Variants in LCLAT1 observed in about 807,000 individuals in gnomAD.
The protein encoded by LCLAT1 is lysocardiolipin acyltransferase 1.
In LCLAT1, 11 loss-of-function variants were observed where a neutral mutation model predicts 30.7. The ratio of observed to expected loss-of-function variants is 0.36; its 90% CI spans 0.23 to 0.59. The LOEUF is 0.59. LCLAT1 is among the 20% of genes least tolerant of loss of function. The probability of loss-of-function intolerance (pLI) is 0.77; values close to 1 mark genes in which losing one functional copy is unlikely to be tolerated. For synonymous variants in LCLAT1, 155 were observed against 151.3 expected (o/e 1.02, Z -0.18); for missense variants, 402 against 458.6 (o/e 0.88, Z 1.13).
At chr2:30,494,042 TAATA>T (rs1052677301) in intron 1 of LCLAT1, among the ~76,000 whole-genome samples, 8 of 151,736 alleles carry the variant, frequency 5.3e-5, no homozygotes, top group Non-Finnish European at 8.8e-5. Context: ...AATAAATAAA[TAATA>T]AATAAAATAG....
At chr2:30,624,739 G>C (rs998280592) in intron 5 of LCLAT1, among the ~76,000 whole-genome samples, 1 of 152,078 alleles carries the variant, frequency 6.6e-6, no homozygotes, top group Non-Finnish European at 1.5e-5. Flanking sequence ...AGAAACAGTG[G>C]ACTTAAATTA....
At chr2:30,473,072 CAGG>C (rs1245980682) in intron 1 of LCLAT1, among the ~76,000 whole-genome samples, 1 of 152,066 alleles carries the variant, frequency 6.6e-6, no homozygotes, top group Non-Finnish European at 1.5e-5. Context: ...CCTCACCAGT[CAGG>C]AGAGAGATTT....
At chr2:30,623,605 A>C (rs1292942406) in intron 5 of LCLAT1, among the ~76,000 whole-genome samples, 2 of 152,156 alleles carry the variant, frequency 1.3e-5, no homozygotes, top group African/African-American at 4.8e-5. Flanking sequence ...AGCGTCCCAG[A>C]AGTTTGGGAT....
intron 3 of LCLAT1, among the ~76,000 whole-genome samples, chr2:30,550,764 T>C (rs1664642592): frequency 6.6e-6 from 1 of 152,166 alleles, no homozygotes; most frequent in Non-Finnish European, 1.5e-5. Context: ...AGGCTGGCTG[T>C]TGGGGGAAAG....
chr2:30,589,474 A>G (rs1666594902), intron 5 of LCLAT1, among the ~76,000 whole-genome samples: 1 of 152,146 alleles, frequency 6.6e-6, no homozygotes, highest in Non-Finnish European at 1.5e-5. Flanking sequence ...GGAAAAAAAA[A>G]AAAGGAGAGA....
At chr2:30,588,450 G>C (rs980881052) in intron 5 of LCLAT1, among the ~76,000 whole-genome samples, 15 of 152,208 alleles carry the variant, frequency 9.9e-5, no homozygotes, top group Non-Finnish European at 2.1e-4. Context: ...GGGATGAGGA[G>C]AGTGGATGAA....
At chr2:30,550,443 A>T (rs1664629472) in intron 3 of LCLAT1, among the ~76,000 whole-genome samples, 1 of 152,030 alleles carries the variant, frequency 6.6e-6, no homozygotes, top group African/African-American at 2.4e-5. Context: ...TCATTTTGTG[A>T]TAGTCTTTTC....
intron 3 of LCLAT1, among the ~76,000 whole-genome samples, chr2:30,540,310 C>T (rs1410784540): frequency 6.6e-6 from 1 of 152,164 alleles, no homozygotes; most frequent in Non-Finnish European, 1.5e-5. Context: ...TCTATTGCTG[C>T]ATTATTTTTA....
At position 30,620,925 on chromosome 2, in the gene LCLAT1, G is replaced by C. The variant is rs184151772; in HGVS notation, c.629-19192G>C. 7.2e-5 allele frequency among the ~76,000 whole-genome samples: 11 copies of C among 152,186 alleles called. No individual in the cohort carries two copies. In the East Asian group the frequency reaches 2.1e-3, roughly 29 times the overall value. On this transcript the variant is annotated intron_variant, in intron 5 of 5. Coordinates refer to ENST00000379509, the MANE Select transcript of LCLAT1 (RefSeq NM_001002257.3). Reference sequence around the variant, plus strand: ...TCCTGGGATACTTTAGCTTGTCACTGCATAACTCCAACCTTTGCCTCTGTC... The same window carrying C: ...TCCTGGGATACTTTAGCTTGTCACTCCATAACTCCAACCTTTGCCTCTGTC...
At chr2:30,609,754 T>C (rs1365620298) in intron 5 of LCLAT1, among the ~76,000 whole-genome samples, 10 of 152,158 alleles carry the variant, frequency 6.6e-5, no homozygotes, top group African/African-American at 1.9e-4. Context: ...TCACTTCTCT[T>C]AAAATTTTCT....
At chr2:30,486,217 A>G (rs1683550325) in intron 1 of LCLAT1, among the ~76,000 whole-genome samples, 1 of 152,184 alleles carries the variant, frequency 6.6e-6, no homozygotes, top group African/African-American at 2.4e-5. Context: ...CTTAGAAAGA[A>G]CTTTGGACAG....
chr2:30,518,048 A>C (rs1374765941), intron 1 of LCLAT1, among the ~76,000 whole-genome samples: 1 of 152,242 alleles, frequency 6.6e-6, no homozygotes, highest in Non-Finnish European at 1.5e-5. Context: ...AGCAGAAGAA[A>C]GTAGAAGAAT....
chr2:30,552,598 G>A, intron 3 of LCLAT1: 1 of 436,220 alleles, frequency 2.3e-6, no homozygotes, highest in Non-Finnish European at 4.6e-6. Context: ...AGCCTTCGTG[G>A]AAATTAATCA....
chr2:30,574,232 G>A (rs1466729149), intron 5 of LCLAT1, among the ~76,000 whole-genome samples: 1 of 152,064 alleles, frequency 6.6e-6, no homozygotes, highest in African/African-American at 2.4e-5. Flanking sequence ...TTAAAAACTA[G>A]ATGTGAAGTT....
intron 1 of LCLAT1, among the ~76,000 whole-genome samples, chr2:30,512,158 T>C (rs1040551836): frequency 6.6e-6 from 1 of 152,248 alleles, no homozygotes; most frequent in East Asian, 1.9e-4. Flanking sequence ...ATGAAACTCT[T>C]CAGACCTTTT....
intron 1 of LCLAT1, among the ~76,000 whole-genome samples, chr2:30,488,773 G>GCA (rs1380781538): frequency 1.3e-5 from 2 of 152,194 alleles, no homozygotes; most frequent in African/African-American, 4.8e-5. Flanking sequence ...ACAAGTCAGT[G>GCA]CAAAGCTCGT....
intron 1 of LCLAT1, among the ~76,000 whole-genome samples, chr2:30,506,198 T>G (rs1460501216): frequency 6.6e-6 from 1 of 152,164 alleles, no homozygotes; most frequent in African/African-American, 2.4e-5. Context: ...TAAGAAAGTA[T>G]TATTCTTTTG....
intron 5 of LCLAT1, among the ~76,000 whole-genome samples, chr2:30,628,354 A>C (rs1035293079): frequency 2.6e-5 from 4 of 152,226 alleles, no homozygotes; most frequent in Admixed American, 2.6e-4. Flanking sequence ...CAAAACTGTT[A>C]TGTAAATATA....
intron 1 of LCLAT1, among the ~76,000 whole-genome samples, chr2:30,453,405 C>T (rs1008115702): frequency 2.0e-5 from 3 of 152,146 alleles, no homozygotes; most frequent in Non-Finnish European, 4.4e-5. Flanking sequence ...GAAAGGCAGC[C>T]TTGGCTGTGG....
Sources: gnomAD v4.1 joint callset for allele counts (sites outside exome capture counted in the v4.1 genomes callset) on GRCh38, gnomAD v4.1.1 for gene constraint, MANE v1.5 for transcripts, NCBI Gene and HGNC (gene_info 2026-07-23, HGNC 2026-07-21) for gene names.